PLPPR1: variants seen among roughly 807,000 people sequenced by gnomAD.
PLPPR1 encodes phospholipid phosphatase-related protein type 1.
A neutral mutation model predicts 33.1 loss-of-function variants in PLPPR1; 10 were observed. That is an observed-to-expected ratio of 0.30 (90% CI 0.19 to 0.51). PLPPR1 has a LOEUF of 0.51. Ranked by LOEUF, PLPPR1 falls within the 20% of genes least tolerant of loss-of-function variation. PLPPR1 has a pLI of 0.97. For synonymous variants in PLPPR1, 151 were observed against 151.0 expected, an observed-to-expected ratio of 1.00 and a Z score of 0.00; for missense variants, 304 against 408.1, an observed-to-expected ratio of 0.74 and a Z score of 2.20.
At chr9:101,317,621 G>C in intron 7 of PLPPR1, 125 bp downstream of exon 7, 2 of 993,944 alleles carry the variant, frequency 2.0e-6, no homozygotes, top group African/African-American at 1.6e-5. Flanking sequence ...TATTGTAAAG[G>C]CCCTCACAAA....
chr9:101,124,978 T>C lies in PLPPR1; in HGVS notation c.-45-60472T>C, dbSNP rs575126186. On this transcript the variant is annotated intron_variant, in intron 1 of 7. Transcript: ENST00000374874. ...GTCCTGGAGAGAAAAGAAAGAGCAT[T>C]TTTATCCTTACCTCCCTCCCCTCCA... is the stretch of plus-strand genomic sequence containing the variant. Among the ~76,000 whole-genome samples the C allele has an allele frequency of 2.3e-3, 349 of 152,298 alleles. 3 individuals are homozygous for C. Among genetic ancestry groups the C allele is most frequent in the African/African-American group, 7.9e-3 (329 of 41,568 alleles).
At chr9:101,202,871 T>C (rs1826517936) in intron 2 of PLPPR1, among the ~76,000 whole-genome samples, 2 of 152,194 alleles carry the variant, frequency 1.3e-5, no homozygotes, top group African/African-American at 2.4e-5. Flanking sequence ...ATATAGTCAG[T>C]GTACTTCTGA....
At chr9:101,035,779 A>G (rs1011632485) in intron 1 of PLPPR1, among the ~76,000 whole-genome samples, 7 of 152,194 alleles carry the variant, frequency 4.6e-5, no homozygotes, top group African/African-American at 1.7e-4. Context: ...ATTATAGAAA[A>G]TCATAGGATT....
chr9:101,051,859 C>T (rs768838786), intron 1 of PLPPR1, among the ~76,000 whole-genome samples: 1 of 152,104 alleles, frequency 6.6e-6, no homozygotes. Context: ...TCCTTGCAGG[C>T]TTTCTTTTTG....
chr9:101,300,051 G>A (rs550320997), intron 4 of PLPPR1, among the ~76,000 whole-genome samples: 1 of 150,690 alleles, frequency 6.6e-6, no homozygotes, highest in Admixed American at 6.6e-5. Flanking sequence ...ACAATATCTT[G>A]CATAACAAAA....
chr9:101,163,533 TTACA>T lies in PLPPR1; in HGVS notation c.-45-21911_-45-21908del, dbSNP rs1564162703. ...GGTGCTTTTTCATCTAGGTGCAAAG[TTACA>T]TACATGTGCTCAGGTGATGGGGTTG... On this transcript the variant is annotated intron_variant, in intron 1 of 7. Transcript: ENST00000374874. Among the ~76,000 whole-genome samples, 3 of 152,280 alleles carry T rather than the reference TTACA, an allele frequency of 2.0e-5. No homozygotes were observed. The South Asian group carries it at 6.2e-4, about 32-fold the overall frequency.
At chr9:101,274,015 C>G (rs971451135) in intron 3 of PLPPR1, among the ~76,000 whole-genome samples, 1 of 152,186 alleles carries the variant, frequency 6.6e-6, no homozygotes, top group African/African-American at 2.4e-5. Flanking sequence ...TTGATCTTAT[C>G]TCTTCCATTA....
chr9:101,091,472 A>G (rs1311673179), intron 1 of PLPPR1, among the ~76,000 whole-genome samples: 4 of 152,102 alleles, frequency 2.6e-5, no homozygotes, highest in Non-Finnish European at 4.4e-5. Flanking sequence ...CTTGGGTCAT[A>G]GCTGCCTTCC....
intron 2 of PLPPR1, among the ~76,000 whole-genome samples, chr9:101,240,829 C>T (rs1333503593): frequency 6.6e-6 from 1 of 152,044 alleles, no homozygotes; most frequent in Non-Finnish European, 1.5e-5. Context: ...CATTGAGTGC[C>T]CTGCCACTTC....
At position 101,106,615 on chromosome 9, in the gene PLPPR1, C is replaced by A. The variant is rs1452931960; in HGVS notation, c.-46+77513C>A. Among the ~76,000 whole-genome samples, 2 of 76,900 alleles carry A rather than the reference C, an allele frequency of 2.6e-5. 1 individual carries two copies. The highest frequency in any genetic ancestry group is 4.6e-5 in the Non-Finnish European group (2 of 43,100). 50.4% of individuals were successfully genotyped at this position (76,900 alleles called of 152,430 possible). On this transcript the variant is annotated intron_variant, in intron 1 of 7. Transcript: ENST00000374874. ...TTCATTTCAACTTTGGTGAATCTGA[C>A]AATTATGTGTCTGGGAGTTGCTCTT...
intron 6 of PLPPR1, among the ~76,000 whole-genome samples, chr9:101,316,038 A>C (rs1410216949): frequency 6.6e-6 from 1 of 152,216 alleles, no homozygotes. Flanking sequence ...AATGAGGCTC[A>C]AAGATAAGTA....
intron 4 of PLPPR1, among the ~76,000 whole-genome samples, chr9:101,296,934 C>T (rs544139230): frequency 1.8e-4 from 27 of 151,836 alleles, no homozygotes; most frequent in Non-Finnish European, 3.8e-4. Context: ...TACCCTAAAA[C>T]TTAAAGTATA....
intron 1 of PLPPR1, among the ~76,000 whole-genome samples, chr9:101,041,868 C>T (rs1207643152): frequency 6.6e-6 from 1 of 152,048 alleles, no homozygotes; most frequent in Non-Finnish European, 1.5e-5. Flanking sequence ...ACTTAAATGC[C>T]AACTACATGG....
At chr9:101,129,875 C>T (rs1395765409) in intron 1 of PLPPR1, among the ~76,000 whole-genome samples, 1 of 152,064 alleles carries the variant, frequency 6.6e-6, no homozygotes, top group Non-Finnish European at 1.5e-5. Flanking sequence ...CATACAATAA[C>T]ATGGATGAAT....
chr9:101,035,229 G>A (rs1022935397), intron 1 of PLPPR1, among the ~76,000 whole-genome samples: 12 of 151,614 alleles, frequency 7.9e-5, no homozygotes, highest in African/African-American at 2.9e-4. Context: ...GGAAAAATTT[G>A]TCATGTGTTC....
At chr9:101,099,877 A>G (rs1250333891) in intron 1 of PLPPR1, among the ~76,000 whole-genome samples, 3 of 152,102 alleles carry the variant, frequency 2.0e-5, no homozygotes, top group Non-Finnish European at 2.9e-5. Flanking sequence ...GAAGCAGTGA[A>G]GGAGTCTGTG....
intron 1 of PLPPR1, among the ~76,000 whole-genome samples, chr9:101,183,816 T>G (rs2118714129): frequency 6.6e-6 from 1 of 151,882 alleles, no homozygotes; most frequent in Middle Eastern, 3.4e-3. Flanking sequence ...TGTCTTATAT[T>G]CTCCACTTTA....
intron 2 of PLPPR1, among the ~76,000 whole-genome samples, chr9:101,209,663 CACTGCAGTTTTCTTGCT>C (rs1826654785): frequency 6.6e-6 from 1 of 152,218 alleles, no homozygotes; most frequent in African/African-American, 2.4e-5. Context: ...GAGTAATTGA[CACTGCAGTTTTCTTGCT>C]AGCCAAACTA....
chr9:101,101,265 AT>A (rs1830894352), intron 1 of PLPPR1, among the ~76,000 whole-genome samples: 1 of 152,176 alleles, frequency 6.6e-6, no homozygotes, highest in Non-Finnish European at 1.5e-5. Context: ...TGACTTACAT[AT>A]CATCATATAT....
Sources: allele counts gnomAD v4.1 joint callset (sites outside exome capture counted in the v4.1 genomes callset), GRCh38; gene constraint gnomAD v4.1.1; transcripts MANE v1.5; gene names NCBI Gene and HGNC (gene_info 2026-07-23, HGNC 2026-07-21).